CHTOP: variants seen among roughly 807,000 people sequenced by gnomAD.
CHTOP encodes chromatin target of PRMT1, also known as chromatin target of PRMT1 protein.
Under a neutral mutation model 33.6 loss-of-function variants are expected in CHTOP, and 18 were observed. The observed-to-expected ratio is 0.54, with a 90% CI of 0.37 to 0.80. The LOEUF (loss-of-function observed/expected upper bound fraction) is 0.80. CHTOP is among the 30% of genes least tolerant of loss of function. CHTOP has a pLI of 0.00. For synonymous variants in CHTOP, 117 were observed against 127.7 expected (o/e 0.92, Z 0.56); for missense variants, 263 against 336.8 (o/e 0.78, Z 1.71).
intron 4 of CHTOP, chr1:153,642,631 A>G (rs1668668733): frequency 4.7e-6 from 2 of 428,214 alleles, no homozygotes; most frequent in Non-Finnish European, 8.2e-6. Context: ...GTGAGAGGCT[A>G]TGACCTGCGT....
chr1:153,643,431 C>G, intron 5 of CHTOP, 67 bp downstream of exon 5: 1 of 1,423,940 alleles, frequency 7.0e-7, no homozygotes, highest in South Asian at 1.6e-5. Flanking sequence ...CTCAGAGCCA[C>G]CTTTCTGCAC....
rs1326986916 is a variant in CHTOP at position 153,645,537 on chromosome 1, C to G, written c.*268C>G. On this transcript the variant is annotated 3_prime_UTR_variant, in exon 6 of 6. Transcript: ENST00000368694. ...TTTCCCCTCCTTTGCCCAGACTTCT[C>G]TTTGAACACAAATGCATTAGCCTTG... 4.2e-6 allele frequency: 2 copies of G among 476,566 alleles called. No individual in the cohort carries two copies. Among genetic ancestry groups the G allele is most frequent in the African/African-American group, 4.0e-5 (2 of 50,590 alleles). The allele number at this position is 476,566 out of a possible 1,614,324, so 29.5% of individuals were successfully genotyped here.
Position 153,640,027 on chromosome 1 carries a change from G to T in CHTOP, c.219+1579G>T, listed in dbSNP as rs138943088. Among the ~76,000 whole-genome samples the T allele has an allele frequency of 9.0e-3, 1,368 of 152,180 alleles. 24 individuals carry two copies. The highest frequency in any genetic ancestry group is 0.029 in the African/African-American group (1,208 of 41,512). ...GACCTCAAGTGATCTGCCTGCCTCAGTATCCCAAAGTGTTCAGATTACAGG... is the reference window on the plus strand; with the variant it reads ...GACCTCAAGTGATCTGCCTGCCTCATTATCCCAAAGTGTTCAGATTACAGG... On this transcript the variant is annotated intron_variant, in intron 3 of 5. Transcript: ENST00000368694.
chr1:153,637,711 ATTTAC>A (rs1156469455), intron 2 of CHTOP: 1 of 152,370 alleles, frequency 6.6e-6, no homozygotes, highest in Non-Finnish European at 1.5e-5. Context: ...GACCACTGAA[ATTTAC>A]TTAATGTCTA....
chr1:153,637,016 T>C (rs1363889099), intron 2 of CHTOP: 6 of 185,010 alleles, frequency 3.2e-5, no homozygotes, highest in Admixed American at 1.7e-4. Context: ...GTGTTGTGTC[T>C]GGCCTGTAAG....
chr1:153,643,529 A>G (rs1557941753), intron 5 of CHTOP, 165 bp downstream of exon 5: 1 of 664,848 alleles, frequency 1.5e-6, no homozygotes, highest in African/African-American at 1.9e-5. Flanking sequence ...CTGGTAGTGC[A>G]AAAGTCTCAT....
chr1:153,638,508 T>C (rs1479168475), intron 3 of CHTOP, 60 bp downstream of exon 3: 26 of 1,590,020 alleles, frequency 1.6e-5, no homozygotes, highest in Non-Finnish European at 2.2e-5. Flanking sequence ...GGGAGTCCAC[T>C]GAGGCTGTCA....
chr1:153,635,752 G>A (rs976344956), intron 1 of CHTOP, among the ~76,000 whole-genome samples: 2 of 151,756 alleles, frequency 1.3e-5, no homozygotes, highest in Non-Finnish European at 2.9e-5. Context: ...GAACGGGGAG[G>A]CAGAGGTTGC....
chr1:153,635,684 A>G (rs948992274), intron 1 of CHTOP, among the ~76,000 whole-genome samples: 6 of 152,030 alleles, frequency 3.9e-5, no homozygotes, highest in South Asian at 2.1e-4. Context: ...TTAGCCGGGC[A>G]TGGTGGCACG....
In CHTOP at chr1:153,643,384, C is replaced by T; in HGVS notation, c.541+20C>T. On this transcript the variant is annotated intron_variant, in intron 5 of 5. Coordinates refer to ENST00000368694, the MANE Select transcript of CHTOP (RefSeq NM_015607.4). ...GTAGAGGTTAGTCAGCTACCAACTT[C>T]AGAGAGTAGCTCCCCCTTACTTTCC... The T allele has an allele frequency of 2.0e-6, 3 of 1,512,576 alleles. No homozygotes were observed. In the African/African-American group the frequency reaches 4.2e-5, roughly 21 times the overall value. 93.7% of individuals were successfully genotyped at this position (1,512,576 alleles called of 1,614,324 possible).
chr1:153,636,422 A>AG (rs1006247461), intron 1 of CHTOP, 150 bp from the exon 2 acceptor site: 7 of 538,126 alleles, frequency 1.3e-5, no homozygotes, highest in South Asian at 6.0e-5. Flanking sequence ...AAAAAAAAAA[A>AG]AAAGAAATTT....
rs574516740 is a variant in CHTOP, at chr1:153,635,965, G to A, written c.-17-607G>A. 1.9e-3 allele frequency among the ~76,000 whole-genome samples: 284 copies of A among 152,214 alleles called. 1 individual carries two copies. Among genetic ancestry groups the A allele is most frequent in the African/African-American group, 6.6e-3 (275 of 41,524 alleles). On this transcript the variant is annotated intron_variant, in intron 1 of 5. Coordinates refer to ENST00000368694, the MANE Select transcript of CHTOP (RefSeq NM_015607.4). ...TTTGTTTTAAAGAGATGGGGTCTCAGGCCAGAGTGCAGTGGCATGATCACG... is the reference window on the plus strand; with the variant it reads ...TTTGTTTTAAAGAGATGGGGTCTCAAGCCAGAGTGCAGTGGCATGATCACG...
At chr1:153,641,189 G>A (rs1557940363) in intron 3 of CHTOP, among the ~76,000 whole-genome samples, 2 of 152,226 alleles carry the variant, frequency 1.3e-5, no homozygotes, top group Non-Finnish European at 2.9e-5. Flanking sequence ...ATCTTTTTGA[G>A]AGGTTGATTA....
At chr1:153,641,903 TC>T (rs1308566678) in intron 3 of CHTOP, among the ~76,000 whole-genome samples, 1 of 152,206 alleles carries the variant, frequency 6.6e-6, no homozygotes, top group East Asian at 1.9e-4. Flanking sequence ...AGCAGTACAA[TC>T]CAGGATTGAA....
rs1668805099 is a variant in CHTOP, at chr1:153,645,828, C to T, written c.*559C>T. On this transcript the variant is annotated 3_prime_UTR_variant, in exon 6 of 6. Transcript: ENST00000368694. ...TTTAGTAAACTGAGAACATTGACAT[C>T]ACTACAGGGCAGCATAAGAGGTTGC... 1 of 155,242 alleles carries T rather than the reference C, an allele frequency of 6.4e-6. No homozygotes were observed. Among genetic ancestry groups the T allele is most frequent in the African/African-American group, 2.4e-5 (1 of 41,462 alleles). 9.6% of individuals were successfully genotyped at this position (155,242 alleles called of 1,614,324 possible).
At position 153,645,285 on chromosome 1, in the gene CHTOP, C is replaced by G. The variant is rs1668773366; in HGVS notation, c.*16C>G. The G allele has an allele frequency of 1.2e-6, 2 of 1,612,170 alleles. No homozygotes were observed. The highest frequency in any genetic ancestry group is 4.5e-5 in the East Asian group (2 of 44,884). On this transcript the variant is annotated 3_prime_UTR_variant, in exon 6 of 6. Coordinates refer to ENST00000368694, the MANE Select transcript of CHTOP (RefSeq NM_015607.4). ...CAATGATTGAAGCCTGCCCATCCTC[C>G]CATGAGAGACTCTTGTTAGTCAACA...
chr1:153,642,262 T>G lies in CHTOP; in HGVS notation c.236T>G (p.Leu79Arg). 2 of 1,612,006 alleles carry G rather than the reference T, an allele frequency of 1.2e-6. No individual in the cohort carries two copies. The highest frequency in any genetic ancestry group is 1.7e-6 in the Non-Finnish European group (2 of 1,178,774). ...LKLKQSLKQRLGKSNIQARLG... is the reference protein window; with the variant it reads ...LKLKQSLKQRRGKSNIQARLG... The stretch of plus-strand genomic sequence containing the variant: ...TTCCAGAAGAGCTTAAAGCAGCGCC[T>G]GGGTAAGAGTAACATCCAGGCACGG... The change falls in exon 4 of 6, where the codon CTG (leucine) becomes CGG (arginine). Residue 79 changes from leucine (L) to arginine (R), a missense_variant. By Grantham distance (102) the Leu-to-Arg change is moderately radical. Transcript: ENST00000368694.
Position 153,646,095 on chromosome 1 carries a change from G to A in CHTOP, c.*826G>A, listed in dbSNP as rs1236979410. 6.6e-6 allele frequency: 1 copy of A among 152,228 alleles called. No homozygotes were observed. Among genetic ancestry groups the A allele is most frequent in the Non-Finnish European group, 1.5e-5 (1 of 68,050 alleles). The allele number at this position is 152,228 out of a possible 1,614,324, so 9.4% of individuals were successfully genotyped here. On this transcript the variant is annotated 3_prime_UTR_variant, in exon 6 of 6. Transcript: ENST00000368694. ...GTCAGAAGGGAGAATGATGGCAGACGAACTGCTGGAAGAGGTCAGAAGATA... is the reference window on the plus strand; with the variant it reads ...GTCAGAAGGGAGAATGATGGCAGACAAACTGCTGGAAGAGGTCAGAAGATA...
intron 3 of CHTOP, among the ~76,000 whole-genome samples, chr1:153,641,413 TAAA>T (rs1668619165): frequency 6.6e-6 from 1 of 152,242 alleles, no homozygotes; most frequent in African/African-American, 2.4e-5. Flanking sequence ...AACAGATTCT[TAAA>T]AATACCCTAT....
Sources: gnomAD v4.1 joint callset for allele counts (sites outside exome capture counted in the v4.1 genomes callset) on GRCh38, gnomAD v4.1.1 for gene constraint, MANE v1.5 for transcripts, NCBI Gene and HGNC (gene_info 2026-07-23, HGNC 2026-07-21) for gene names.